The following STK39 variants were observed in gnomAD, a reference collection of about 807,000 sequenced individuals.
STK39 encodes the protein STE20/SPS1-related proline-alanine-rich protein kinase.
STK39 carries 20 observed loss-of-function variants against 77.8 expected under a neutral mutation model. The ratio of observed to expected loss-of-function variants is 0.26; its 90% CI spans 0.18 to 0.37. The LOEUF (loss-of-function observed/expected upper bound fraction) is 0.37, where lower values mean the gene tolerates loss of function less well. Among genes scored for constraint, STK39 ranks in the 10% least tolerant of loss-of-function variants. The pLI is 1.00. For missense variants in STK39, 479 were observed against 656.5 expected, an observed-to-expected ratio of 0.73 and a Z score of 2.95; for synonymous variants, 246 against 234.1, an observed-to-expected ratio of 1.05 and a Z score of -0.47.
chr2:168,036,207 G>A (rs975794630), intron 14 of STK39, among the ~76,000 whole-genome samples: 1 of 151,040 alleles, frequency 6.6e-6, no homozygotes. Flanking sequence ...CCACAGTACT[G>A]TGAGTCCATA....
In STK39 at chr2:168,198,888, G is replaced by C. The variant is rs80040398; in HGVS notation, c.209-16798C>G. Among the ~76,000 whole-genome samples the C allele has an allele frequency of 5.8e-3, 886 of 152,324 alleles. 7 individuals carry two copies. Among genetic ancestry groups the C allele is most frequent in the Non-Finnish European group, 9.1e-3 (622 of 68,028 alleles). On this transcript the variant is annotated intron_variant, in intron 1 of 17. Transcript: ENST00000355999. ...TTTAGAACTGTATCTATAACATACA[G>C]ATAAATGTTACAGGGAGAGAGATTA... is the stretch of plus-strand genomic sequence containing the variant.
At chr2:168,160,490 C>T (rs1473267000) in intron 5 of STK39, among the ~76,000 whole-genome samples, 1 of 152,210 alleles carries the variant, frequency 6.6e-6, no homozygotes, top group Non-Finnish European at 1.5e-5. Context: ...GTAGCAGCAG[C>T]AGCCATGGTA....
intron 10 of STK39, among the ~76,000 whole-genome samples, chr2:168,079,979 G>A (rs921555213): frequency 7.9e-5 from 12 of 152,164 alleles, no homozygotes; most frequent in Admixed American, 7.2e-4. Flanking sequence ...GGAGATGTAA[G>A]AGCAGGAGTC....
intron 10 of STK39, among the ~76,000 whole-genome samples, chr2:168,109,556 C>A (rs1246714342): frequency 1.3e-5 from 2 of 152,144 alleles, no homozygotes; most frequent in Admixed American, 1.3e-4. Context: ...GCAAAAGTTT[C>A]TCTGGATATG....
chr2:168,025,990 C>T (rs547848081), intron 14 of STK39, among the ~76,000 whole-genome samples: 2 of 152,310 alleles, frequency 1.3e-5, no homozygotes, highest in East Asian at 1.9e-4. Context: ...TCGGTTTCCT[C>T]TGCAGTAAAA....
chr2:168,124,995 G>T (rs999317275), intron 10 of STK39, among the ~76,000 whole-genome samples: 7 of 152,062 alleles, frequency 4.6e-5, no homozygotes, highest in African/African-American at 1.7e-4. Context: ...CTAGGGAAGG[G>T]ACAGCATTAG....
rs115149839 is a variant in STK39 at position 168,126,868 on chromosome 2, G to A, written c.1089+2673C>T. On this transcript the variant is annotated intron_variant, in intron 10 of 17. Transcript: ENST00000355999. ...ATGAAACTAGAGAGCCAGGATAACA[G>A]CAAAACAGGCCACTCTCTTTTCTCT... Among the ~76,000 whole-genome samples the A allele has an allele frequency of 4.6e-3, 696 of 152,206 alleles. 6 individuals carry two copies. Among genetic ancestry groups the A allele is most frequent in the African/African-American group, 0.016 (669 of 41,516 alleles).
chr2:168,239,343 C>T (rs148116536), intron 1 of STK39, among the ~76,000 whole-genome samples: 6 of 152,326 alleles, frequency 3.9e-5, no homozygotes, highest in African/African-American at 1.2e-4. Flanking sequence ...ACAATGTCTA[C>T]GGATGCCAGA....
intron 2 of STK39, among the ~76,000 whole-genome samples, chr2:168,175,863 A>T (rs562059107): frequency 7.9e-5 from 12 of 152,340 alleles, no homozygotes; most frequent in Middle Eastern, 3.4e-3. Flanking sequence ...GTACTACAAA[A>T]TATATTAAAA....
At chr2:168,043,811 A>G (rs753217462) in intron 14 of STK39, among the ~76,000 whole-genome samples, 1 of 152,214 alleles carries the variant, frequency 6.6e-6, no homozygotes, top group Non-Finnish European at 1.5e-5. Flanking sequence ...GTATGCTTCA[A>G]AGCTAGAGGA....
intron 1 of STK39, among the ~76,000 whole-genome samples, chr2:168,235,866 T>C (rs1364789341): frequency 4.6e-5 from 7 of 152,316 alleles, no homozygotes; most frequent in African/African-American, 1.7e-4. Flanking sequence ...GTTGGACATC[T>C]GGGTTGGTTC....
At chr2:168,123,334 C>T (rs1185273251) in intron 10 of STK39, among the ~76,000 whole-genome samples, 5 of 152,096 alleles carry the variant, frequency 3.3e-5, no homozygotes, top group Non-Finnish European at 7.4e-5. Flanking sequence ...CAAATAAGAT[C>T]TAAAAAATAA....
intron 10 of STK39, among the ~76,000 whole-genome samples, chr2:168,099,884 T>C (rs1020107845): frequency 2.6e-4 from 39 of 152,210 alleles, no homozygotes; most frequent in Admixed American, 2.6e-3. Flanking sequence ...TTCAAAAAGT[T>C]ATGCCAGGCT....
chr2:168,045,310 G>C (rs767373739), intron 14 of STK39, among the ~76,000 whole-genome samples: 6 of 152,118 alleles, frequency 3.9e-5, no homozygotes, highest in Non-Finnish European at 5.9e-5. Context: ...AACAGAGCTG[G>C]AAGGCATCCT....
intron 16 of STK39, among the ~76,000 whole-genome samples, chr2:168,001,127 AT>A (rs1484144395): frequency 6.6e-6 from 1 of 152,046 alleles, no homozygotes; most frequent in Non-Finnish European, 1.5e-5. Context: ...TGGCAAGAAA[AT>A]TTTCTTTTAT....
rs201195457 is a variant in STK39, at chr2:168,061,539, GA to G, written c.1376+1960del. Reference sequence around the variant, plus strand: ...GTGTGCATTGTTTTTTAACTTATTTGAACATAGAACCCTTTCTTCCTGGAGC... The same window carrying G: ...GTGTGCATTGTTTTTTAACTTATTTGACATAGAACCCTTTCTTCCTGGAGC... On this transcript the variant is annotated intron_variant, in intron 14 of 17. Transcript: ENST00000355999. Among the ~76,000 whole-genome samples, 1,323 of 152,242 alleles carry G rather than the reference GA, an allele frequency of 8.7e-3. 20 individuals carry two copies. Among genetic ancestry groups the G allele is most frequent in the African/African-American group, 0.03 (1,264 of 41,540 alleles).
chr2:168,064,396 T>C (rs570220192), intron 13 of STK39, among the ~76,000 whole-genome samples: 28 of 152,322 alleles, frequency 1.8e-4, no homozygotes, highest in Admixed American at 5.9e-4. Flanking sequence ...TTGCCTGATA[T>C]AGTGTAAAGA....
At chr2:168,188,575 T>C (rs1254849201) in intron 1 of STK39, among the ~76,000 whole-genome samples, 1 of 152,206 alleles carries the variant, frequency 6.6e-6, no homozygotes, top group Non-Finnish European at 1.5e-5. Context: ...AGTTATTAGA[T>C]TGCAAGTGTG....
intron 14 of STK39, among the ~76,000 whole-genome samples, chr2:168,039,836 A>T (rs1685058371): frequency 6.6e-6 from 1 of 152,252 alleles, no homozygotes; most frequent in African/African-American, 2.4e-5. Context: ...TTATTTTAAA[A>T]ATCAGAAGGC....
Sources: allele counts gnomAD v4.1 joint callset (sites outside exome capture counted in the v4.1 genomes callset), GRCh38; gene constraint gnomAD v4.1.1; transcripts MANE v1.5; gene names NCBI Gene and HGNC (gene_info 2026-07-23, HGNC 2026-07-21).